The following TMEM182 variants were observed in gnomAD, a reference collection of about 807,000 sequenced individuals.
The protein encoded by TMEM182 is transmembrane protein 182.
Under a neutral mutation model 26.8 loss-of-function variants are expected in TMEM182, and 20 were observed. The ratio of observed to expected loss-of-function variants is 0.75; its 90% CI spans 0.53 to 1.09. The LOEUF (loss-of-function observed/expected upper bound fraction) is 1.09. TMEM182 is among the 50% of genes least tolerant of loss of function. The pLI is 0.00. For missense variants in TMEM182, 277 were observed against 275.5 expected (o/e 1.01, Z -0.04); for synonymous variants, 109 against 102.2 (o/e 1.07, Z -0.40).
chr2:102,779,220 G>A (rs1196703774), intron 3 of TMEM182, among the ~76,000 whole-genome samples: 2 of 151,948 alleles, frequency 1.3e-5, no homozygotes, highest in East Asian at 1.9e-4. Flanking sequence ...CTTTATGTAA[G>A]GTGTTGTTCC....
chr2:102,794,588 C>G (rs1459974810), intron 3 of TMEM182, among the ~76,000 whole-genome samples: 3 of 152,168 alleles, frequency 2.0e-5, no homozygotes, highest in African/African-American at 7.2e-5. Context: ...AGTTGAAGGT[C>G]TTTTCTTTCA....
At chr2:102,834,289 T>C (rs1253375510) in intron 3 of TMEM182, 4 of 725,580 alleles carry the variant, frequency 5.5e-6, no homozygotes. Flanking sequence ...ACAGTCTCTG[T>C]AAAGAAAAAA....
intron 3 of TMEM182, chr2:102,834,422 G>T: frequency 1.0e-6 from 1 of 985,218 alleles, no homozygotes; most frequent in Non-Finnish European, 1.2e-6. Flanking sequence ...TCTAGAAGAT[G>T]GGGGGATGGA....
intron 4 of TMEM182, among the ~76,000 whole-genome samples, chr2:102,805,425 TCCAC>T (rs891354118): frequency 1.3e-5 from 2 of 152,148 alleles, no homozygotes; most frequent in Admixed American, 6.5e-5. Context: ...CCTGTAAGTG[TCCAC>T]CCAACCTGAC....
intron 3 of TMEM182, among the ~76,000 whole-genome samples, chr2:102,842,978 G>GGGT (rs1206526985): frequency 6.6e-6 from 1 of 152,150 alleles, no homozygotes; most frequent in African/African-American, 2.4e-5. Flanking sequence ...TTGACAAAGA[G>GGGT]GGTGGGCTTT....
At chr2:102,741,476 A>G (rs981200799) in intron 1 of TMEM182, among the ~76,000 whole-genome samples, 1 of 152,220 alleles carries the variant, frequency 6.6e-6, no homozygotes, top group African/African-American at 2.4e-5. Flanking sequence ...AAATACACCA[A>G]GAGCATTCTC....
At chr2:102,821,207 A>G (rs906310509), downstream of TMEM182, among the ~76,000 whole-genome samples, 4 of 152,154 alleles carry the variant, frequency 2.6e-5, no homozygotes, top group Non-Finnish European at 5.9e-5. Flanking sequence ...CATAATTGAA[A>G]TCTTTAAAAT....
intron 4 of TMEM182, among the ~76,000 whole-genome samples, chr2:102,798,664 C>T (rs1274597894): frequency 6.6e-6 from 1 of 151,934 alleles, no homozygotes; most frequent in Non-Finnish European, 1.5e-5. Flanking sequence ...CATGGTGAAA[C>T]CCTGTTTCTA....
At chr2:102,789,621 T>C (rs1440016024) in intron 3 of TMEM182, among the ~76,000 whole-genome samples, 3 of 152,200 alleles carry the variant, frequency 2.0e-5, no homozygotes, top group African/African-American at 7.2e-5. Flanking sequence ...TTGGGCTTGC[T>C]ACAATAGCTA....
At chr2:102,777,549 G>A (rs1364877393) in intron 3 of TMEM182, among the ~76,000 whole-genome samples, 2 of 151,982 alleles carry the variant, frequency 1.3e-5, no homozygotes, top group Admixed American at 6.6e-5. Context: ...TTGATAGTAA[G>A]TATTGAAGGT....
chr2:102,814,830 A>G lies in TMEM182; in HGVS notation c.552A>G (p.Lys184=). Residue 184 remains lysine, a synonymous_variant, in exon 5 of 5, where the codon AAA becomes AAG. Coordinates refer to ENST00000412401, the MANE Select transcript of TMEM182 (RefSeq NM_144632.5). ...ACATGGAAAGCTACCGAAACATGAAAATGAAGGACTGCCTGGATTTCACCC... is the reference window on the plus strand; with the variant it reads ...ACATGGAAAGCTACCGAAACATGAAGATGAAGGACTGCCTGGATTTCACCC... ...VADMESYRNM[K]MKDCLDFTPS... is the part of the protein sequence containing the mutation. 6.2e-7 allele frequency: 1 copy of G among 1,613,894 alleles called. No homozygotes were observed. Among genetic ancestry groups the G allele is most frequent in the Non-Finnish European group, 8.5e-7 (1 of 1,179,954 alleles).
upstream of TMEM182, among the ~76,000 whole-genome samples, chr2:102,760,723 T>C (rs1259400445): frequency 6.6e-6 from 1 of 152,142 alleles, no homozygotes; most frequent in Admixed American, 6.5e-5. Flanking sequence ...CAAGCGTTTC[T>C]TCTGTCTCAG....
chr2:102,797,559 C>A (rs1010203392), intron 3 of TMEM182, among the ~76,000 whole-genome samples: 2 of 152,146 alleles, frequency 1.3e-5, no homozygotes, highest in Non-Finnish European at 2.9e-5. Context: ...AACCTTAGGT[C>A]TTCTTGCTTC....
At chr2:102,841,774 G>T (rs990303801) in intron 3 of TMEM182, among the ~76,000 whole-genome samples, 1 of 152,196 alleles carries the variant, frequency 6.6e-6, no homozygotes, top group Non-Finnish European at 1.5e-5. Context: ...AGGTAGTTTT[G>T]TTCGTTTGTT....
At chr2:102,819,039 C>T (rs1573571831), downstream of TMEM182, among the ~76,000 whole-genome samples, 1 of 152,298 alleles carries the variant, frequency 6.6e-6, no homozygotes, top group Admixed American at 6.5e-5. Flanking sequence ...AAAATAAGTG[C>T]ACATGCAGCA....
rs1010161309 is a variant in TMEM182 at position 102,816,376 on chromosome 2, A to G, written c.*1408A>G. 9.1e-6 allele frequency: 9 copies of G among 985,158 alleles called. No homozygotes were observed. Among genetic ancestry groups the G allele is most frequent in the South Asian group, 4.7e-5 (1 of 21,274 alleles). The allele number at this position is 985,158 out of a possible 1,614,324, so 61.0% of individuals were successfully genotyped here. A position where few individuals can be genotyped will look rare whatever the true frequency, so the allele number is the denominator to read the frequency against. ...CTGCTCCTTTTCATCAGCTCTTCCA[A>G]TGCCGTGGGAGAGGTGATCCCAGTC... On this transcript the variant is annotated 3_prime_UTR_variant, in exon 5 of 5. Transcript: ENST00000412401.
At position 102,816,047 on chromosome 2, in the gene TMEM182, C is replaced by G; in HGVS notation, c.*1079C>G. ...AGATATATTAACATTTACAGATCGA[C>G]TATTTCCTTTAACCTCCTAGAAGAA... On this transcript the variant is annotated 3_prime_UTR_variant, in exon 5 of 5. Transcript: ENST00000412401. 2.0e-6 allele frequency: 2 copies of G among 985,064 alleles called. No individual in the cohort carries two copies. Among genetic ancestry groups the G allele is most frequent in the Non-Finnish European group, 2.4e-6 (2 of 829,630 alleles). The allele number at this position is 985,064 out of a possible 1,614,324, so 61.0% of individuals were successfully genotyped here.
At chr2:102,776,514 T>C (rs1350103672) in intron 3 of TMEM182, among the ~76,000 whole-genome samples, 5 of 152,200 alleles carry the variant, frequency 3.3e-5, no homozygotes, top group Non-Finnish European at 7.4e-5. Flanking sequence ...TTTATTGTGA[T>C]AAATAATGTC....
intron 3 of TMEM182, among the ~76,000 whole-genome samples, chr2:102,827,895 C>T (rs889177748): frequency 2.0e-5 from 3 of 151,992 alleles, no homozygotes; most frequent in Admixed American, 6.6e-5. Context: ...GTTCGAGGCC[C>T]GCCTGGCCAA....
Sources: gnomAD v4.1 joint callset for allele counts (sites outside exome capture counted in the v4.1 genomes callset) on GRCh38, gnomAD v4.1.1 for gene constraint, MANE v1.5 for transcripts, NCBI Gene and HGNC (gene_info 2026-07-23, HGNC 2026-07-21) for gene names.